The following GLIS3 variants were observed in gnomAD, a reference collection of about 807,000 sequenced individuals.
GLIS3 encodes the protein zinc finger protein GLIS3.
Under a neutral mutation model 78.6 loss-of-function variants are expected in GLIS3, and 53 were observed. The observed-to-expected ratio is 0.67, with a 90% CI of 0.54 to 0.85. The LOEUF (loss-of-function observed/expected upper bound fraction) is 0.85. GLIS3 is among the 40% of genes least tolerant of loss of function. The pLI is 0.00. For synonymous variants in GLIS3, 684 were observed against 509.9 expected (o/e 1.34, Z -4.60); for missense variants, 1,703 against 1,231.1 (o/e 1.38, Z -5.74).
chr9:4,255,898 G>A (rs1165616637), intron 2 of GLIS3, among the ~76,000 whole-genome samples: 3 of 152,148 alleles, frequency 2.0e-5, no homozygotes, highest in African/African-American at 7.2e-5. Flanking sequence ...TTCATCCACT[G>A]TAACGAGTGT....
At chr9:4,440,650 T>C in the GLIS3 span, among the ~76,000 whole-genome samples, 1 of 152,204 alleles carries the variant, frequency 6.6e-6, no homozygotes, top group Non-Finnish European at 1.5e-5. Flanking sequence ...TATTCAAGGT[T>C]TCTGTGGTTC....
chr9:4,326,214 G>A (rs1426628199), intron 2 of GLIS3, among the ~76,000 whole-genome samples: 2 of 152,088 alleles, frequency 1.3e-5, no homozygotes, highest in African/African-American at 2.4e-5. Context: ...TAAAATAAAA[G>A]TTGAAGAAAA....
At chr9:3,863,618 C>G (rs1462350199) in intron 8 of GLIS3, among the ~76,000 whole-genome samples, 2 of 152,238 alleles carry the variant, frequency 1.3e-5, no homozygotes, top group African/African-American at 2.4e-5. Context: ...TGAACCTACA[C>G]TGAGCATGAC....
chr9:3,997,075 C>T (rs1275676762), intron 4 of GLIS3, among the ~76,000 whole-genome samples: 4 of 152,142 alleles, frequency 2.6e-5, no homozygotes, highest in South Asian at 2.1e-4. Flanking sequence ...CGGCCGGGCG[C>T]GGTGGCTCAC....
At chr9:4,174,273 A>C (rs867961008) in intron 2 of GLIS3, among the ~76,000 whole-genome samples, 1 of 152,230 alleles carries the variant, frequency 6.6e-6, no homozygotes, top group African/African-American at 2.4e-5. Context: ...GGTTTCATGT[A>C]TTATACCTAC....
the GLIS3 span, among the ~76,000 whole-genome samples, chr9:4,463,683 A>G: frequency 6.6e-6 from 1 of 152,198 alleles, no homozygotes; most frequent in East Asian, 1.9e-4. Context: ...AATATTGGGG[A>G]AAACAGATAA....
At chr9:4,448,958 T>C in the GLIS3 span, among the ~76,000 whole-genome samples, 243 of 152,308 alleles carry the variant, frequency 1.6e-3, no homozygotes, top group Admixed American at 4.3e-3. Flanking sequence ...TTCATCTCAC[T>C]GGGACTGTTT....
At position 3,861,236 on chromosome 9, in the gene GLIS3, C is replaced by G. The variant is rs541862799; in HGVS notation, c.2298-5052G>C. Among the ~76,000 whole-genome samples the G allele has an allele frequency of 2.0e-5, 3 of 152,280 alleles. No homozygotes were observed. In the East Asian group the frequency reaches 5.8e-4, roughly 29 times the overall value. On this transcript the variant is annotated intron_variant, in intron 8 of 10. Coordinates refer to ENST00000381971, the MANE Select transcript of GLIS3 (RefSeq NM_001042413.2). Reference sequence around the variant, plus strand: ...ATAGAGTTCTTAGAAAATCTTAAGACTCCTTCCTTCTTTGACTATTCAGAT... The same window carrying G: ...ATAGAGTTCTTAGAAAATCTTAAGAGTCCTTCCTTCTTTGACTATTCAGAT...
the GLIS3 span, among the ~76,000 whole-genome samples, chr9:4,418,671 C>A: frequency 6.6e-6 from 1 of 152,014 alleles, no homozygotes; most frequent in African/African-American, 2.4e-5. Flanking sequence ...TGCACTCCAG[C>A]CTGGATGACA....
intron 2 of GLIS3, among the ~76,000 whole-genome samples, chr9:4,221,719 A>T (rs961769339): frequency 6.6e-6 from 1 of 152,250 alleles, no homozygotes; most frequent in Non-Finnish European, 1.5e-5. Flanking sequence ...TAACATATGG[A>T]AACACATTAC....
At chr9:4,361,955 T>C in the GLIS3 span, among the ~76,000 whole-genome samples, 2 of 152,248 alleles carry the variant, frequency 1.3e-5, no homozygotes. Flanking sequence ...AAAGAAAATA[T>C]GCAAGCAGTT....
chr9:4,483,528 A>G, the GLIS3 span, among the ~76,000 whole-genome samples: 48 of 151,832 alleles, frequency 3.2e-4, no homozygotes, highest in South Asian at 8.3e-4. Flanking sequence ...GACCAGCCTG[A>G]CCAACATGGT....
intron 4 of GLIS3, among the ~76,000 whole-genome samples, chr9:3,975,565 A>AT (rs144520900): frequency 0.32 from 45,818 of 144,786 alleles, 7,632 homozygotes; most frequent in East Asian, 0.58. Context: ...GCATTGCATC[A>AT]TTTTTTTTTT....
chr9:4,165,646 G>A (rs910813649), intron 2 of GLIS3, among the ~76,000 whole-genome samples: 4 of 152,196 alleles, frequency 2.6e-5, no homozygotes, highest in African/African-American at 7.2e-5. Context: ...ATGCCTGATG[G>A]GCGTCACTCC....
In GLIS3 at chr9:4,346,739, T is replaced by G. The variant is rs1348809694; in HGVS notation, n.264+342A>C. Among the ~76,000 whole-genome samples the G allele has an allele frequency of 2.6e-4, 2 of 7,828 alleles. 1 individual carries two copies. Among genetic ancestry groups the G allele is most frequent in the African/African-American group, 2.8e-4 (2 of 7,220 alleles). The allele number at this position is 7,828 out of a possible 152,430, so 5.1% of individuals were successfully genotyped here. ...AGGCCGAGGCGGGTGGATCACGAGG[T>G]CAGGAGATCGAGACCATCCCGGCTA... is the stretch of plus-strand genomic sequence containing the variant. On this transcript the variant is annotated intron_variant and non_coding_transcript_variant, in intron 2 of 4. Transcript: ENST00000471664.
At chr9:4,273,608 TA>T (rs1425909754) in intron 2 of GLIS3, among the ~76,000 whole-genome samples, 1 of 93,512 alleles carries the variant, frequency 1.1e-5, no homozygotes, top group Non-Finnish European at 2.5e-5. Context: ...AATAAATAAA[TA>T]AATAAATAAA....
chr9:3,919,121 C>T (rs1352176784), intron 6 of GLIS3, among the ~76,000 whole-genome samples: 1 of 152,090 alleles, frequency 6.6e-6, no homozygotes, highest in African/African-American at 2.4e-5. Flanking sequence ...AGAGCTTACA[C>T]AATTTTCAAT....
At chr9:4,281,758 T>C (rs1827574816) in intron 2 of GLIS3, among the ~76,000 whole-genome samples, 1 of 152,198 alleles carries the variant, frequency 6.6e-6, no homozygotes, top group Non-Finnish European at 1.5e-5. Flanking sequence ...TTACTGAAAA[T>C]GGAGCTTCTC....
At chr9:4,283,975 G>T (rs1827775451) in intron 2 of GLIS3, among the ~76,000 whole-genome samples, 1 of 152,214 alleles carries the variant, frequency 6.6e-6, no homozygotes, top group Non-Finnish European at 1.5e-5. Context: ...AAAAGCCACA[G>T]GGAAGAGAAT....
Sources: allele counts gnomAD v4.1 joint callset (sites outside exome capture counted in the v4.1 genomes callset), GRCh38; gene constraint gnomAD v4.1.1; transcripts MANE v1.5; gene names NCBI Gene and HGNC (gene_info 2026-07-23, HGNC 2026-07-21).